The following C19orf25 variants were observed in gnomAD, a reference collection of about 807,000 sequenced individuals.
C19orf25 encodes UPF0449 protein C19orf25.
Under a neutral mutation model 3.1 loss-of-function variants are expected in C19orf25, and 1 was observed. That is an observed-to-expected ratio of 0.32 (90% CI 0.12 to 1.54). C19orf25 has a LOEUF of 1.54. C19orf25 is among the 40% of genes most tolerant of loss of function. The probability of loss-of-function intolerance (pLI) is 0.38; values close to 1 mark genes in which losing one functional copy is unlikely to be tolerated. For missense variants in C19orf25, 196 were observed against 160.4 expected (o/e 1.22, Z -1.20); for synonymous variants, 91 against 74.3 (o/e 1.23, Z -1.16).
rs2084191396 is a variant in C19orf25, at chr19:1,475,126, TCA to T, written c.261_262del (p.Cys87Ter). ...GTCCTCGCCGGCTCGCTGCAGGAGC[TCA>T]CACCTCTGCCTCAGCACGTTGCCCG... On this transcript the variant is annotated stop_gained and frameshift_variant, in exon 3 of 3. Coordinates refer to ENST00000585675, the MANE Select transcript of C19orf25 (RefSeq NM_152482.3). LOFTEE classifies it low-confidence loss of function (END_TRUNC). 6.2e-7 allele frequency: 1 copy of T among 1,601,860 alleles called. No homozygotes were observed. Among genetic ancestry groups the T allele is most frequent in the Admixed American group, 1.7e-5 (1 of 58,774 alleles).
chr19:1,475,875 G>C (rs1282395586), intron 2 of C19orf25: 1 of 258,794 alleles, frequency 3.9e-6, no homozygotes, highest in Admixed American at 5.5e-5. Flanking sequence ...CCTGGGGGCG[G>C]GGCTTCCATT....
At position 1,476,809 on chromosome 19, in the gene C19orf25, T is replaced by A. The variant is rs557583513; in HGVS notation, c.131-1551A>T. 2.5e-4 allele frequency among the ~76,000 whole-genome samples: 38 copies of A among 151,982 alleles called. No individual in the cohort carries two copies. The South Asian group carries it at 7.5e-3, about 30-fold the overall frequency. On this transcript the variant is annotated intron_variant, in intron 2 of 2. Coordinates refer to ENST00000585675, the MANE Select transcript of C19orf25 (RefSeq NM_152482.3). ...TTTGTGTATTTTTGGTAGATATAGG[T>A]TTTGCTATGCTGCCAAGGCTGGTCT... is the stretch of plus-strand genomic sequence containing the variant.
chr19:1,478,879 C>G lies in C19orf25; in HGVS notation c.25G>C (p.Val9Leu). The change falls in exon 2 of 3, where the codon GTG becomes CTG. Residue 9 changes from valine to leucine, a missense_variant. By Grantham distance (32) the Val-to-Leu change is conservative (BLOSUM62 1). Transcript: ENST00000585675. ...GGCGCTGGGCGGGTGGGCAGCAGCACGCGCTTCTTTGCCTTGGAGCCCATC... is the reference window on the plus strand; with the variant it reads ...GGCGCTGGGCGGGTGGGCAGCAGCAGGCGCTTCTTTGCCTTGGAGCCCATC... MGSKAKKR[V>L]LLPTRPAPPT... 1 of 1,595,532 alleles carries G rather than the reference C, an allele frequency of 6.3e-7. No homozygotes were observed. The highest frequency in any genetic ancestry group is 8.5e-7 in the Non-Finnish European group (1 of 1,173,020).
intron 2 of C19orf25, chr19:1,475,549 C>T (rs956533340): frequency 1.6e-5 from 6 of 385,380 alleles, no homozygotes; most frequent in Middle Eastern, 6.9e-4. Flanking sequence ...ATTAGCTGGG[C>T]GTGGTAGCAC....
chr19:1,477,567 T>G (rs1402698881), intron 2 of C19orf25, among the ~76,000 whole-genome samples: 5 of 152,252 alleles, frequency 3.3e-5, no homozygotes, highest in African/African-American at 1.2e-4. Context: ...GGCTGGAGTC[T>G]CTGCTCCCAC....
At chr19:1,477,063 G>C (rs968154575) in intron 2 of C19orf25, among the ~76,000 whole-genome samples, 1 of 149,166 alleles carries the variant, frequency 6.7e-6, no homozygotes, top group African/African-American at 2.5e-5. Context: ...ACAGTGGCAC[G>C]ATCTCAGCTC....
intron 2 of C19orf25, chr19:1,476,479 G>A: frequency 2.5e-6 from 1 of 392,880 alleles, no homozygotes; most frequent in Non-Finnish European, 4.5e-6. Context: ...TGACCGAACT[G>A]CATGCTGGGA....
chr19:1,479,103 T>A, intron 1 of C19orf25, 60 bp downstream of exon 1: 1 of 1,345,348 alleles, frequency 7.4e-7, no homozygotes, highest in African/African-American at 1.6e-5. Context: ...GGCTTCAGGG[T>A]CTGGCTCAAC....
chr19:1,478,528 C>A, intron 2 of C19orf25: 1 of 1,226,520 alleles, frequency 8.2e-7, no homozygotes, highest in Non-Finnish European at 1.0e-6. Flanking sequence ...CCCGCCTCAT[C>A]CTCCGAAAGT....
intron 2 of C19orf25, among the ~76,000 whole-genome samples, chr19:1,478,183 G>A (rs944648470): frequency 1.3e-5 from 2 of 152,030 alleles, no homozygotes; most frequent in African/African-American, 4.8e-5. Flanking sequence ...TGCCTAGGCT[G>A]TATCCTCCCA....
Position 1,474,709 on chromosome 19 carries a change from C to A in C19orf25, c.*323G>T, listed in dbSNP as rs1452098896. 2 of 1,187,166 alleles carry A rather than the reference C, an allele frequency of 1.7e-6. No individual in the cohort carries two copies. The highest frequency in any genetic ancestry group is 2.8e-4 in the Middle Eastern group (1 of 3,576). 73.5% of individuals were successfully genotyped at this position (1,187,166 alleles called of 1,614,324 possible). A position where few individuals can be genotyped will look rare whatever the true frequency, so the allele number is the denominator to read the frequency against. On this transcript the variant is annotated 3_prime_UTR_variant, in exon 3 of 3. Coordinates refer to ENST00000585675, the MANE Select transcript of C19orf25 (RefSeq NM_152482.3). The stretch of plus-strand genomic sequence containing the variant: ...GCCCCGGGAGAGGAAGGAGGTGGCA[C>A]CTGCTCCCAGGGGCCCCACTGCAGA...
intron 2 of C19orf25, chr19:1,475,582 T>C (rs2084197662): frequency 3.5e-6 from 1 of 288,370 alleles, no homozygotes; most frequent in Non-Finnish European, 6.7e-6. Flanking sequence ...CCTACTTCTC[T>C]GGAGGCAGAG....
rs1365167740 is a variant in C19orf25 at position 1,473,405 on chromosome 19, T to A, written c.*1627A>T. 6.6e-6 allele frequency: 1 copy of A among 152,228 alleles called. No homozygotes were observed. The highest frequency in any genetic ancestry group is 2.4e-5 in the African/African-American group (1 of 41,442). 9.4% of individuals were successfully genotyped at this position (152,228 alleles called of 1,614,324 possible). On this transcript the variant is annotated 3_prime_UTR_variant, in exon 3 of 3. Transcript: ENST00000585675. ...AGGGTTTGTGGGCACCCCACCCAGA[T>A]GGGCCGGGGAGGCACTGGCTGAGGC... is the stretch of plus-strand genomic sequence containing the variant.
At chr19:1,475,311 G>A in intron 2 of C19orf25, 53 bp from the exon 3 acceptor site, 2 of 1,491,170 alleles carry the variant, frequency 1.3e-6, no homozygotes, top group African/African-American at 2.8e-5. Context: ...ATCCTCCTGG[G>A]CACCCCTCAC....
In C19orf25 at chr19:1,474,684, G is replaced by A. The variant is rs1186251650; in HGVS notation, c.*348C>T. 10 of 895,700 alleles carry A rather than the reference G, an allele frequency of 1.1e-5. No homozygotes were observed. The East Asian group carries it at 1.9e-4, about 17-fold the overall frequency. The allele number at this position is 895,700 out of a possible 1,614,324, so 55.5% of individuals were successfully genotyped here. ...CTCAGAAGTGGACAGGCGAGTGCCT[G>A]CCCCGGGAGAGGAAGGAGGTGGCAC... is the stretch of plus-strand genomic sequence containing the variant. On this transcript the variant is annotated 3_prime_UTR_variant, in exon 3 of 3. Coordinates refer to ENST00000585675, the MANE Select transcript of C19orf25 (RefSeq NM_152482.3).
chr19:1,476,269 G>A, intron 2 of C19orf25: 2 of 398,750 alleles, frequency 5.0e-6, no homozygotes, highest in South Asian at 1.3e-4. Flanking sequence ...ACGGGTCTGG[G>A]CTGATCAAAT....
In C19orf25 at chr19:1,475,157, G is replaced by C. The variant is rs777081848; in HGVS notation, c.232C>G (p.Gln78Glu). 10 of 1,582,878 alleles carry C rather than the reference G, an allele frequency of 6.3e-6. No individual in the cohort carries two copies. Among genetic ancestry groups the C allele is most frequent in the Non-Finnish European group, 8.6e-6 (10 of 1,165,968 alleles). ...CTCTGCCTCAGCACGTTGCCCGCCT[G>C]CTGCAGCCGCTGGTTGGCAGCCACG... Reference protein sequence around the residue: ...AYVAANQRLQQAGNVLRQRCE... With the variant: ...AYVAANQRLQEAGNVLRQRCE... The change falls in exon 3 of 3, where the codon CAG becomes GAG. Residue 78 changes from glutamine (Q) to glutamate (E), a missense_variant. By Grantham distance (29) the Gln-to-Glu change is conservative. Coordinates refer to ENST00000585675, the MANE Select transcript of C19orf25 (RefSeq NM_152482.3).
chr19:1,478,417 GT>G, intron 2 of C19orf25: 1 of 254,624 alleles, frequency 3.9e-6, no homozygotes, highest in Non-Finnish European at 6.7e-6. Flanking sequence ...ACTCTGTTTT[GT>G]TTTTGTTTTT....
At position 1,475,915 on chromosome 19, in the gene C19orf25, G is replaced by A. The variant is rs1599176983; in HGVS notation, c.131-657C>T. On this transcript the variant is annotated intron_variant, in intron 2 of 2. Transcript: ENST00000585675. The stretch of plus-strand genomic sequence containing the variant: ...CAAAAGCCGTGGCACCCACCGGGAT[G>A]GACTCCACTGAGCTGGCCTGGCTCT... 15 of 329,000 alleles carry A rather than the reference G, an allele frequency of 4.6e-5. No homozygotes were observed. The East Asian group carries it at 6.8e-4, about 15-fold the overall frequency. The allele number at this position is 329,000 out of a possible 1,614,324, so 20.4% of individuals were successfully genotyped here. A position where few individuals can be genotyped will look rare whatever the true frequency, so the allele number is the denominator to read the frequency against.
Sources: allele counts gnomAD v4.1 joint callset (sites outside exome capture counted in the v4.1 genomes callset), GRCh38; gene constraint gnomAD v4.1.1; transcripts MANE v1.5; gene names NCBI Gene and HGNC (gene_info 2026-07-23, HGNC 2026-07-21).